Variants in SHQ1 observed in about 807,000 individuals in gnomAD.
The protein encoded by SHQ1 is SHQ1, H/ACA ribonucleoprotein assembly factor, also known as protein SHQ1 homolog.
In SHQ1, 49 loss-of-function variants were observed where a neutral mutation model predicts 53.8. That is an observed-to-expected ratio of 0.91 (90% CI 0.72 to 1.16). The LOEUF is 1.16. Ranked by LOEUF, SHQ1 falls within the 50% of genes most tolerant of loss-of-function variation. The pLI, the probability that SHQ1 is intolerant of heterozygous loss-of-function variation, is 0.00. For synonymous variants in SHQ1, 243 were observed against 251.0 expected (o/e 0.97, Z 0.30); for missense variants, 738 against 683.1 (o/e 1.08, Z -0.90).
intron 9 of SHQ1, among the ~76,000 whole-genome samples, chr3:72,804,555 A>G (rs886961323): frequency 6.6e-6 from 1 of 152,126 alleles, no homozygotes; most frequent in Admixed American, 6.5e-5. Context: ...ACTCCCTAAG[A>G]GCTAAGACCA....
At chr3:72,779,180 A>T (rs1013937155) in intron 10 of SHQ1, among the ~76,000 whole-genome samples, 1 of 152,078 alleles carries the variant, frequency 6.6e-6, no homozygotes, top group Non-Finnish European at 1.5e-5. Flanking sequence ...CCTTTTCTTG[A>T]CCCCTCCCCC....
chr3:72,773,387 G>A (rs1474721730), intron 10 of SHQ1: 1 of 474,070 alleles, frequency 2.1e-6, no homozygotes, highest in East Asian at 5.1e-5. Context: ...ACATCCCTCA[G>A]CCTATCTCAC....
intron 6 of SHQ1, among the ~76,000 whole-genome samples, chr3:72,818,272 C>T (rs1198770095): frequency 6.6e-6 from 1 of 152,044 alleles, no homozygotes; most frequent in Non-Finnish European, 1.5e-5. Flanking sequence ...CCAAAATGTA[C>T]CATGCTCTGT....
chr3:72,820,918 G>A (rs1707456099), intron 6 of SHQ1, among the ~76,000 whole-genome samples: 1 of 152,146 alleles, frequency 6.6e-6, no homozygotes, highest in South Asian at 2.1e-4. Flanking sequence ...AATGAAAGAT[G>A]TCTGCAAGGT....
At chr3:72,836,152 A>C (rs913253515) in intron 4 of SHQ1, among the ~76,000 whole-genome samples, 4 of 152,232 alleles carry the variant, frequency 2.6e-5, no homozygotes, top group African/African-American at 9.6e-5. Context: ...CACAGCACAC[A>C]GACCAGGTCT....
chr3:72,737,182 G>C, the SHQ1 span, among the ~76,000 whole-genome samples: 1 of 151,986 alleles, frequency 6.6e-6, no homozygotes, highest in Admixed American at 6.6e-5. Context: ...GGAGACTGAG[G>C]CATGAGAATT....
At position 72,765,875 on chromosome 3, in the gene SHQ1, T is replaced by C. The variant is rs1479036494; in HGVS notation, c.1182-15039A>G. Among the ~76,000 whole-genome samples the C allele has an allele frequency of 4.6e-5, 7 of 152,252 alleles. No individual in the cohort carries two copies. In the East Asian group the frequency reaches 1.2e-3, roughly 25 times the overall value. Reference sequence around the variant, plus strand: ...GCCAAATAAATACTTGAAAGTACTATGTGTTCAAGCCCCGAACAAAACAGA... The same window carrying C: ...GCCAAATAAATACTTGAAAGTACTACGTGTTCAAGCCCCGAACAAAACAGA... On this transcript the variant is annotated intron_variant, in intron 10 of 10. Transcript: ENST00000325599.
At chr3:72,837,605 C>T (rs1708040164) in intron 4 of SHQ1, among the ~76,000 whole-genome samples, 1 of 152,050 alleles carries the variant, frequency 6.6e-6, no homozygotes, top group South Asian at 2.1e-4. Flanking sequence ...CATCTATAGG[C>T]AGAACTAGAA....
chr3:72,815,388 T>C lies in SHQ1; in HGVS notation c.898A>G (p.Asn300Asp), dbSNP rs1707281130. ...AGTGTTGGACTCAGTTTCCTGATATTCCATGCAGATTCAACCTTTATTTGT... is the reference window on the plus strand; with the variant it reads ...AGTGTTGGACTCAGTTTCCTGATATCCCATGCAGATTCAACCTTTATTTGT... ...EGEKNVESAW[N>D]IRKLSPTLCW... The change falls in exon 8 of 11, where the codon AAT becomes GAT. Residue 300 changes from asparagine (N) to aspartate (D), a missense_variant. Physicochemically the swap from Asn to Asp is conservative, Grantham distance 23. Coordinates refer to ENST00000325599, the MANE Select transcript of SHQ1 (RefSeq NM_018130.3). 2 of 1,613,428 alleles carry C rather than the reference T, an allele frequency of 1.2e-6. No individual in the cohort carries two copies. Among genetic ancestry groups the C allele is most frequent in the African/African-American group, 1.3e-5 (1 of 75,028 alleles).
At position 72,760,981 on chromosome 3, in the gene SHQ1, G is replaced by A. The variant is rs572360501; in HGVS notation, c.1182-10145C>T. Among the ~76,000 whole-genome samples the A allele has an allele frequency of 6.6e-5, 10 of 152,122 alleles. No individual in the cohort carries two copies. The East Asian group carries it at 7.7e-4, about 12-fold the overall frequency. On this transcript the variant is annotated intron_variant, in intron 10 of 10. Coordinates refer to ENST00000325599, the MANE Select transcript of SHQ1 (RefSeq NM_018130.3). ...ATTGTAGGTTTCTTATAATTAGATC[G>A]ATAAAAGCTCTCAAGACGATTCCAA...
At chr3:72,748,329 C>CAAAAAAAAAAAAAAAAAAAAA (rs572927520), downstream of SHQ1, among the ~76,000 whole-genome samples, 9 of 58,794 alleles carry the variant, frequency 1.5e-4, 1 homozygote, top group Non-Finnish European at 2.1e-4. Flanking sequence ...ATGAGGCATG[C>CAAAAAAAAAAAAAAAAAAAAA]AAAAAAAAAA....
chr3:72,839,920 C>T (rs1708115276), intron 4 of SHQ1, among the ~76,000 whole-genome samples: 1 of 151,930 alleles, frequency 6.6e-6, no homozygotes, highest in Admixed American at 6.6e-5. Context: ...GCCACCATGC[C>T]TGGCTAATTT....
At chr3:72,734,169 A>G in the SHQ1 span, among the ~76,000 whole-genome samples, 1 of 151,384 alleles carries the variant, frequency 6.6e-6, no homozygotes, top group African/African-American at 2.4e-5. Flanking sequence ...CAAAAAACAA[A>G]AAAAGATATC....
chr3:72,845,130 C>T (rs1708291927), intron 1 of SHQ1, among the ~76,000 whole-genome samples: 1 of 151,946 alleles, frequency 6.6e-6, no homozygotes, highest in African/African-American at 2.4e-5. Context: ...AAGCAGAAAG[C>T]AAAAGTGTCA....
downstream of SHQ1, among the ~76,000 whole-genome samples, chr3:72,744,872 T>C (rs1282133355): frequency 6.9e-6 from 1 of 145,798 alleles, no homozygotes; most frequent in Non-Finnish European, 1.5e-5. Flanking sequence ...GAAGCTTCAT[T>C]TGAATTTACC....
chr3:72,827,038 A>T (rs1707681830), intron 5 of SHQ1, among the ~76,000 whole-genome samples: 1 of 152,202 alleles, frequency 6.6e-6, no homozygotes, highest in South Asian at 2.1e-4. Context: ...GTGGACATGG[A>T]GAAAAGTGGA....
chr3:72,772,822 G>A, intron 10 of SHQ1: 1 of 768,120 alleles, frequency 1.3e-6, no homozygotes, highest in Non-Finnish European at 2.4e-6. Context: ...TGAAAACTCA[G>A]AGAAGAATGA....
chr3:72,759,356 G>A (rs973728803), intron 10 of SHQ1, among the ~76,000 whole-genome samples: 17 of 152,100 alleles, frequency 1.1e-4, no homozygotes, highest in African/African-American at 3.6e-4. Flanking sequence ...ACTTAAAATG[G>A]AGACCAAAAT....
intron 4 of SHQ1, among the ~76,000 whole-genome samples, chr3:72,837,021 G>A (rs1708021277): frequency 1.3e-5 from 2 of 152,194 alleles, no homozygotes; most frequent in Non-Finnish European, 2.9e-5. Context: ...GACAGGGCCA[G>A]CAAGCCTGGC....
Sources: allele counts gnomAD v4.1 joint callset (sites outside exome capture counted in the v4.1 genomes callset), GRCh38; gene constraint gnomAD v4.1.1; transcripts MANE v1.5; gene names NCBI Gene and HGNC (gene_info 2026-07-23, HGNC 2026-07-21).